BRD10: variants seen among roughly 807,000 people sequenced by gnomAD.
BRD10 encodes the protein bromodomain containing 10, also known as uncharacterized bromodomain-containing protein 10.
chr9:5,964,086 A>G, the BRD10 span, among the ~76,000 whole-genome samples: 8 of 152,272 alleles, frequency 5.3e-5, no homozygotes, highest in East Asian at 3.9e-4. Flanking sequence ...GCTTCTGCAC[A>G]GCAAAAGAAA....
At chr9:5,922,063 A>C in the BRD10 span, 1 of 1,614,004 alleles carries the variant, frequency 6.2e-7, no homozygotes, top group Non-Finnish European at 8.5e-7. Context: ...CAAAAGTGAA[A>C]ACTGAACTTG....
the BRD10 span, among the ~76,000 whole-genome samples, chr9:5,952,798 C>T: frequency 2.6e-5 from 4 of 151,998 alleles, no homozygotes; most frequent in Non-Finnish European, 4.4e-5. Context: ...CAGCAGTGGA[C>T]GCGTGATGAT....
At chr9:5,934,823 T>C in the BRD10 span, among the ~76,000 whole-genome samples, 2 of 152,196 alleles carry the variant, frequency 1.3e-5, no homozygotes, top group Non-Finnish European at 1.5e-5. Context: ...TCCAAAGGTA[T>C]AATCTAAACT....
the BRD10 span, among the ~76,000 whole-genome samples, chr9:5,889,405 C>T: frequency 8.3e-4 from 126 of 152,324 alleles, no homozygotes; most frequent in African/African-American, 3.0e-3. Flanking sequence ...AATCTTGAAG[C>T]ATGAATGTGT....
the BRD10 span, among the ~76,000 whole-genome samples, chr9:5,952,993 A>G: frequency 6.6e-6 from 1 of 152,330 alleles, no homozygotes; most frequent in Non-Finnish European, 1.5e-5. Flanking sequence ...CTACAGTACT[A>G]AGAGAAAAAC....
chr9:5,885,833 G>T, the BRD10 span, among the ~76,000 whole-genome samples: 2 of 152,206 alleles, frequency 1.3e-5, no homozygotes, highest in Admixed American at 1.3e-4. Flanking sequence ...GGCTTACGGG[G>T]TGAGGACTCA....
chr9:5,924,699 G>C, the BRD10 span: 1 of 1,557,798 alleles, frequency 6.4e-7, no homozygotes. Context: ...CAGAGGTTCT[G>C]TTGAGTCTAT....
chr9:5,921,604 T>G, the BRD10 span: 1 of 1,613,870 alleles, frequency 6.2e-7, no homozygotes, highest in African/African-American at 1.3e-5. Context: ...TCCCACTGAT[T>G]ACATCTCCAT....
chr9:5,982,819 T>C, the BRD10 span, among the ~76,000 whole-genome samples: 1 of 151,572 alleles, frequency 6.6e-6, no homozygotes, highest in Non-Finnish European at 1.5e-5. Flanking sequence ...TCCAGTGGAG[T>C]GGAGTTGAGG....
chr9:6,001,686 A>G, the BRD10 span, among the ~76,000 whole-genome samples: 1 of 152,218 alleles, frequency 6.6e-6, no homozygotes, highest in African/African-American at 2.4e-5. Flanking sequence ...TTCACCTATC[A>G]TTATTCTACC....
chr9:6,007,488 G>T, the BRD10 span: 2 of 1,612,126 alleles, frequency 1.2e-6, no homozygotes, highest in Non-Finnish European at 1.7e-6. Flanking sequence ...GCTGCAGAAA[G>T]GGGGCGGTGA....
At chr9:5,972,277 G>C in the BRD10 span, among the ~76,000 whole-genome samples, 2 of 152,238 alleles carry the variant, frequency 1.3e-5, no homozygotes, top group African/African-American at 4.8e-5. Flanking sequence ...TAAGTGAAAA[G>C]AAACTGAAAA....
At chr9:5,961,668 T>C in the BRD10 span, among the ~76,000 whole-genome samples, 2 of 152,306 alleles carry the variant, frequency 1.3e-5, no homozygotes, top group East Asian at 3.9e-4. Flanking sequence ...ATGGACATTA[T>C]ATTGTTTCCA....
At chr9:5,980,366 C>T in the BRD10 span, among the ~76,000 whole-genome samples, 1 of 152,166 alleles carries the variant, frequency 6.6e-6, no homozygotes, top group Non-Finnish European at 1.5e-5. Flanking sequence ...CTCTGTTCAA[C>T]AGGCCATCAC....
chr9:5,990,781 T>C, the BRD10 span, among the ~76,000 whole-genome samples: 6 of 152,180 alleles, frequency 3.9e-5, no homozygotes, highest in African/African-American at 9.7e-5. Context: ...TAAACAACAT[T>C]AGTAGAAGTG....
At chr9:5,965,546 A>G in the BRD10 span, among the ~76,000 whole-genome samples, 7 of 152,352 alleles carry the variant, frequency 4.6e-5, no homozygotes, top group South Asian at 2.1e-4. Flanking sequence ...AGTAGAGATT[A>G]TATGTTTGAT....
At chr9:5,933,414 T>C in the BRD10 span, among the ~76,000 whole-genome samples, 16 of 152,290 alleles carry the variant, frequency 1.1e-4, 1 homozygote, top group East Asian at 2.7e-3. Flanking sequence ...ACCAAAGACA[T>C]ACAATATAAT....
the BRD10 span, among the ~76,000 whole-genome samples, chr9:5,905,826 T>A: frequency 6.6e-6 from 1 of 152,206 alleles, no homozygotes; most frequent in Non-Finnish European, 1.5e-5. Context: ...CCCAACCACC[T>A]CAGGCACACT....
At chr9:5,879,051 C>T in the BRD10 span, among the ~76,000 whole-genome samples, 1 of 152,236 alleles carries the variant, frequency 6.6e-6, no homozygotes, top group African/African-American at 2.4e-5. Flanking sequence ...CATCTATTGA[C>T]TTCCAGGGTT....
Sources: allele counts gnomAD v4.1 joint callset (sites outside exome capture counted in the v4.1 genomes callset), GRCh38; gene constraint gnomAD v4.1.1; transcripts MANE v1.5; gene names NCBI Gene and HGNC (gene_info 2026-07-23, HGNC 2026-07-21).